ITM2B: variants seen among roughly 807,000 people sequenced by gnomAD.
ITM2B encodes integral membrane protein 2B.
ITM2B carries 11 observed loss-of-function variants against 27.8 expected under a neutral mutation model. The ratio of observed to expected loss-of-function variants is 0.40; its 90% CI spans 0.25 to 0.66. The LOEUF is 0.66. Ranked by LOEUF, ITM2B falls within the 30% of genes least tolerant of loss-of-function variation. The probability of loss-of-function intolerance (pLI) is 0.43; values close to 1 mark genes in which losing one functional copy is unlikely to be tolerated. For missense variants in ITM2B, 296 were observed against 328.9 expected (o/e 0.90, Z 0.77); for synonymous variants, 114 against 114.3 (o/e 1.00, Z 0.02).
chr13:48,259,696 CTTTTTTT>C (rs35401842), intron 5 of ITM2B, among the ~76,000 whole-genome samples: 1 of 129,884 alleles, frequency 7.7e-6, no homozygotes, highest in Non-Finnish European at 1.7e-5. Context: ...AGCTTGATTT[CTTTTTTT>C]TTTTTTTTTC....
Position 48,263,638 on chromosome 13 carries a change from A to C in ITM2B, c.*2414A>C, listed in dbSNP as rs968253455. ...CATAGACTGAGTGGCTTTAAACAAC[A>C]GAAGCTTGTTTCTCACAGTTCCAGA... On this transcript the variant is annotated 3_prime_UTR_variant, in exon 6 of 6. Coordinates refer to ENST00000647800, the MANE Select transcript of ITM2B (RefSeq NM_021999.5). 6.6e-6 allele frequency: 1 copy of C among 152,360 alleles called. No individual in the cohort carries two copies. Among genetic ancestry groups the C allele is most frequent in the Middle Eastern group, 3.4e-3 (1 of 294 alleles). The allele number at this position is 152,360 out of a possible 1,614,324, so 9.4% of individuals were successfully genotyped here. A position where few individuals can be genotyped will look rare whatever the true frequency, so the allele number is the denominator to read the frequency against.
At chr13:48,250,871 A>C (rs923470311) in intron 1 of ITM2B, among the ~76,000 whole-genome samples, 4 of 152,242 alleles carry the variant, frequency 2.6e-5, no homozygotes, top group African/African-American at 9.6e-5. Flanking sequence ...TCTATGAAGT[A>C]CATGATGGTG....
intron 1 of ITM2B, among the ~76,000 whole-genome samples, chr13:48,233,946 G>A (rs1387444731): frequency 6.6e-6 from 1 of 152,162 alleles, no homozygotes; most frequent in African/African-American, 2.4e-5. Flanking sequence ...ACAGCACTTG[G>A]ACTAAGTCCA....
In ITM2B at chr13:48,270,148, C is replaced by T. The variant is rs1219603732; in HGVS notation, c.*8924C>T. 2 of 152,188 alleles carry T rather than the reference C, an allele frequency of 1.3e-5. No homozygotes were observed. Among genetic ancestry groups the T allele is most frequent in the Non-Finnish European group, 1.5e-5 (1 of 68,024 alleles). The allele number at this position is 152,188 out of a possible 1,614,324, so 9.4% of individuals were successfully genotyped here. On this transcript the variant is annotated 3_prime_UTR_variant, in exon 6 of 6. Coordinates refer to ENST00000647800, the MANE Select transcript of ITM2B (RefSeq NM_021999.5). The stretch of plus-strand genomic sequence containing the variant: ...GCAATATGGTCATTGGTCAAGAAGG[C>T]TTATGCCCAGGTATCCCTGTGGCTA...
chr13:48,233,841 G>A (rs1481473235), intron 1 of ITM2B, among the ~76,000 whole-genome samples: 1 of 152,102 alleles, frequency 6.6e-6, no homozygotes, highest in Non-Finnish European at 1.5e-5. Context: ...ACCGAGTTTG[G>A]CACTTCCTTC....
Position 48,267,956 on chromosome 13 carries a change from T to TC in ITM2B, c.*6733dup, listed in dbSNP as rs1023358590. On this transcript the variant is annotated 3_prime_UTR_variant, in exon 6 of 6. Coordinates refer to ENST00000647800, the MANE Select transcript of ITM2B (RefSeq NM_021999.5). ...AACGAAATGCATATATCTTAAGTGTTCAACTCAGTGAGTTTTGACACTTTT... is the reference window on the plus strand; with the variant it reads ...AACGAAATGCATATATCTTAAGTGTTCCAACTCAGTGAGTTTTGACACTTTT... The TC allele has an allele frequency of 6.6e-6, 1 of 152,234 alleles. No homozygotes were observed. The allele number at this position is 152,234 out of a possible 1,614,324, so 9.4% of individuals were successfully genotyped here.
chr13:48,241,383 TGTATTTTTA>T (rs1489686022), intron 1 of ITM2B, among the ~76,000 whole-genome samples: 1 of 152,172 alleles, frequency 6.6e-6, no homozygotes, highest in Non-Finnish European at 1.5e-5. Context: ...AGCTAATTTT[TGTATTTTTA>T]GTAAAGACGG....
intron 1 of ITM2B, among the ~76,000 whole-genome samples, chr13:48,240,811 T>A (rs1951695836): frequency 6.6e-6 from 1 of 152,210 alleles, no homozygotes; most frequent in Admixed American, 6.5e-5. Flanking sequence ...AATGCATAGA[T>A]CATGAGTGTA....
chr13:48,256,196 G>A lies in ITM2B; in HGVS notation c.266G>A (p.Cys89Tyr), dbSNP rs1424337883. 1.9e-6 allele frequency: 3 copies of A among 1,612,050 alleles called. No individual in the cohort carries two copies. The highest frequency in any genetic ancestry group is 2.2e-5 in the East Asian group (1 of 44,884). ...CTATAGCCAGATGACGTGTACTACT[G>A]TGGAATAAAGTACATCAAAGATGAT... ...FALQPDDVYYCGIKYIKDDVI... is the reference protein window; with the variant it reads ...FALQPDDVYYYGIKYIKDDVI... The change falls in exon 3 of 6, where the codon TGT (cysteine) becomes TAT (tyrosine). Residue 89 changes from cysteine to tyrosine, a missense_variant. Coordinates refer to ENST00000647800, the MANE Select transcript of ITM2B (RefSeq NM_021999.5).
chr13:48,250,661 A>G (rs1306531413), intron 1 of ITM2B, among the ~76,000 whole-genome samples: 2 of 152,138 alleles, frequency 1.3e-5, no homozygotes, highest in Non-Finnish European at 2.9e-5. Flanking sequence ...CATCAAATAT[A>G]TGAGTGCCAG....
intron 1 of ITM2B, among the ~76,000 whole-genome samples, chr13:48,241,321 C>G (rs1241658467): frequency 1.3e-5 from 2 of 152,190 alleles, no homozygotes; most frequent in African/African-American, 4.8e-5. Context: ...AAGTGATTCT[C>G]CTGCCTCAGT....
rs1224675606 is a variant in ITM2B, at chr13:48,265,074, C to T, written c.*3850C>T. 2.6e-5 allele frequency: 4 copies of T among 152,068 alleles called. No individual in the cohort carries two copies. The highest frequency in any genetic ancestry group is 4.4e-5 in the Non-Finnish European group (3 of 68,004). The allele number at this position is 152,068 out of a possible 1,614,324, so 9.4% of individuals were successfully genotyped here. On this transcript the variant is annotated 3_prime_UTR_variant, in exon 6 of 6. Transcript: ENST00000647800. ...CCTAAGTGGTATAAAACAAGATAATCCTAGCTTCCTCCCACTTAAAATAAT... is the reference window on the plus strand; with the variant it reads ...CCTAAGTGGTATAAAACAAGATAATTCTAGCTTCCTCCCACTTAAAATAAT...
intron 1 of ITM2B, among the ~76,000 whole-genome samples, chr13:48,249,701 G>C (rs1433223952): frequency 1.3e-5 from 2 of 152,002 alleles, no homozygotes; most frequent in Non-Finnish European, 2.9e-5. Context: ...AAAAGGGTAT[G>C]GTGAAGTATT....
At chr13:48,244,663 T>C (rs1434954864) in intron 1 of ITM2B, among the ~76,000 whole-genome samples, 1 of 152,220 alleles carries the variant, frequency 6.6e-6, no homozygotes, top group East Asian at 1.9e-4. Context: ...ATTATCTTGT[T>C]GAAAGACATT....
intron 1 of ITM2B, among the ~76,000 whole-genome samples, 169 bp from the exon 2 acceptor site, chr13:48,253,639 C>T (rs189684753): frequency 1.1e-4 from 17 of 152,290 alleles, no homozygotes; most frequent in African/African-American, 3.9e-4. Context: ...AAGATGAGCC[C>T]TGGAGCTACC....
chr13:48,236,485 T>C (rs1012710067), intron 1 of ITM2B, among the ~76,000 whole-genome samples: 1 of 152,306 alleles, frequency 6.6e-6, no homozygotes, highest in Admixed American at 6.5e-5. Context: ...GTAAGGATTC[T>C]TCCAGTTTCA....
chr13:48,258,118 C>G lies in ITM2B; in HGVS notation c.454-8C>G. 1 of 1,392,938 alleles carries G rather than the reference C, an allele frequency of 7.2e-7. No individual in the cohort carries two copies. The highest frequency in any genetic ancestry group is 1.2e-5 in the South Asian group (1 of 86,584). 86.3% of individuals were successfully genotyped at this position (1,392,938 alleles called of 1,614,324 possible). A position where few individuals can be genotyped will look rare whatever the true frequency, so the allele number is the denominator to read the frequency against. The stretch of plus-strand genomic sequence containing the variant: ...TACTGTAACTACACTGTATCTTTTT[C>G]TTCCCAGAAACTTACAGCCTATTTA... On this transcript the variant is annotated splice_region_variant and splice_polypyrimidine_tract_variant and intron_variant, in intron 3 of 5. Coordinates refer to ENST00000647800, the MANE Select transcript of ITM2B (RefSeq NM_021999.5).
At chr13:48,244,339 G>A (rs777453892) in intron 1 of ITM2B, among the ~76,000 whole-genome samples, 1 of 152,222 alleles carries the variant, frequency 6.6e-6, no homozygotes, top group Non-Finnish European at 1.5e-5. Context: ...AGAGCCAGGA[G>A]AGTGGTGGAG....
intron 1 of ITM2B, among the ~76,000 whole-genome samples, chr13:48,251,881 A>G (rs1014013266): frequency 2.0e-5 from 3 of 152,252 alleles, no homozygotes; most frequent in Non-Finnish European, 2.9e-5. Context: ...CTTCGTCATT[A>G]AAGTTTCATA....
Sources: gnomAD v4.1 joint callset for allele counts (sites outside exome capture counted in the v4.1 genomes callset) on GRCh38, gnomAD v4.1.1 for gene constraint, MANE v1.5 for transcripts, NCBI Gene and HGNC (gene_info 2026-07-23, HGNC 2026-07-21) for gene names.